The following SLC15A5 variants were observed in gnomAD, a reference collection of about 807,000 sequenced individuals.
SLC15A5 encodes Peptide/histidine transporter ENSP00000340402.
In SLC15A5, 58 loss-of-function variants were observed where a neutral mutation model predicts 56.1. The observed-to-expected ratio is 1.03, with a 90% CI of 0.84 to 1.29. SLC15A5 has a LOEUF of 1.29. SLC15A5 is among the 50% of genes most tolerant of loss of function. The pLI is 0.00. For missense variants in SLC15A5, 681 were observed against 672.1 expected, an observed-to-expected ratio of 1.01 and a Z score of -0.15; for synonymous variants, 264 against 250.5, an observed-to-expected ratio of 1.05 and a Z score of -0.51.
At chr12:16,246,814 C>T (rs1433988639) in intron 3 of SLC15A5, among the ~76,000 whole-genome samples, 1 of 152,006 alleles carries the variant, frequency 6.6e-6, no homozygotes, top group Admixed American at 6.6e-5. Context: ...AAATTGATAC[C>T]TGCAATCTTA....
intron 7 of SLC15A5, among the ~76,000 whole-genome samples, chr12:16,206,421 A>T (rs1864020045): frequency 6.6e-6 from 1 of 152,206 alleles, no homozygotes; most frequent in Admixed American, 6.5e-5. Context: ...TGAGATTCAT[A>T]GCTCTCCTAC....
intron 2 of SLC15A5, among the ~76,000 whole-genome samples, chr12:16,258,860 C>A (rs1185604767): frequency 6.6e-6 from 1 of 151,954 alleles, no homozygotes; most frequent in African/African-American, 2.4e-5. Context: ...GGAGTGATAT[C>A]CCATAATCTT....
At chr12:16,191,065 C>G (rs887632428) in intron 8 of SLC15A5, among the ~76,000 whole-genome samples, 4 of 152,128 alleles carry the variant, frequency 2.6e-5, no homozygotes, top group African/African-American at 9.7e-5. Context: ...CTACCTACTT[C>G]CTTCACCCCT....
intron 7 of SLC15A5, among the ~76,000 whole-genome samples, chr12:16,209,819 C>A (rs1223156290): frequency 6.6e-6 from 1 of 152,104 alleles, no homozygotes; most frequent in African/African-American, 2.4e-5. Context: ...ATTACTATTC[C>A]AGACTTTCCT....
In SLC15A5 at chr12:16,194,229, C is replaced by A; in HGVS notation, c.1592+116G>T. Reference sequence around the variant, plus strand: ...TTACCCTGAATAATCTGTTGAATTGCTCTAATATTCTAATTTGTCCAGTCA... The same window carrying A: ...TTACCCTGAATAATCTGTTGAATTGATCTAATATTCTAATTTGTCCAGTCA... On this transcript the variant is annotated intron_variant, in intron 8 of 8. Coordinates refer to ENST00000344941, the MANE Select transcript of SLC15A5 (RefSeq NM_001170798.1). The A allele has an allele frequency of 7.0e-6, 4 of 574,730 alleles. No individual in the cohort carries two copies. The South Asian group carries it at 1.3e-4, about 18-fold the overall frequency. The allele number at this position is 574,730 out of a possible 1,614,324, so 35.6% of individuals were successfully genotyped here.
intron 7 of SLC15A5, among the ~76,000 whole-genome samples, chr12:16,207,642 A>AT (rs891069657): frequency 8.7e-5 from 13 of 149,706 alleles, no homozygotes; most frequent in African/African-American, 2.5e-4. Flanking sequence ...CACCAGCGAT[A>AT]TTTTTTTTTC....
chr12:16,225,493 A>G (rs971244732), intron 5 of SLC15A5, among the ~76,000 whole-genome samples: 1 of 152,244 alleles, frequency 6.6e-6, no homozygotes. Context: ...ACAGCAAAAG[A>G]AACTATCATC....
intron 7 of SLC15A5, among the ~76,000 whole-genome samples, chr12:16,200,461 C>G (rs973878879): frequency 6.6e-6 from 1 of 151,846 alleles, no homozygotes; most frequent in Non-Finnish European, 1.5e-5. Flanking sequence ...ACACTCTTGC[C>G]AGTTTTTGAT....
intron 2 of SLC15A5, among the ~76,000 whole-genome samples, chr12:16,260,727 C>T (rs1022908895): frequency 6.7e-5 from 10 of 149,764 alleles, no homozygotes; most frequent in Admixed American, 1.3e-4. Context: ...GTAAAGAATA[C>T]TTTCTAAACC....
chr12:16,229,756 A>T (rs1015919676), intron 5 of SLC15A5, among the ~76,000 whole-genome samples: 10 of 152,116 alleles, frequency 6.6e-5, no homozygotes, highest in Non-Finnish European at 1.3e-4. Context: ...GAAACATGTG[A>T]CAAGTCTACT....
chr12:16,207,592 A>C (rs1028124330), intron 7 of SLC15A5, among the ~76,000 whole-genome samples: 2 of 151,370 alleles, frequency 1.3e-5, no homozygotes, highest in Non-Finnish European at 2.9e-5. Context: ...GTTTGGGATC[A>C]CTCTTCATGA....
chr12:16,199,838 T>C (rs1025835003), intron 7 of SLC15A5, among the ~76,000 whole-genome samples: 2 of 152,018 alleles, frequency 1.3e-5, no homozygotes, highest in African/African-American at 4.8e-5. Context: ...AAATAAAACA[T>C]TATAGGTGAG....
At chr12:16,198,355 T>C (rs4109313) in intron 7 of SLC15A5, among the ~76,000 whole-genome samples, 6,685 of 152,252 alleles carry the variant, frequency 0.044, 204 homozygotes, top group African/African-American at 0.071. Flanking sequence ...CATTAGGCCT[T>C]GTAGACACTA....
At chr12:16,242,637 C>T (rs1184113296) in intron 4 of SLC15A5, among the ~76,000 whole-genome samples, 1 of 152,096 alleles carries the variant, frequency 6.6e-6, no homozygotes, top group Non-Finnish European at 1.5e-5. Flanking sequence ...CAATAAGTTG[C>T]ACATCTAGAT....
At chr12:16,244,835 G>A (rs960324751) in intron 3 of SLC15A5, 35 bp from the exon 4 acceptor site, 1 of 1,508,014 alleles carries the variant, frequency 6.6e-7, no homozygotes, top group Non-Finnish European at 8.9e-7. Flanking sequence ...TATTAGTATA[G>A]GAATTGTTCT....
chr12:16,239,449 A>G (rs1279772460), intron 5 of SLC15A5, among the ~76,000 whole-genome samples: 2 of 152,202 alleles, frequency 1.3e-5, no homozygotes, highest in African/African-American at 4.8e-5. Context: ...CCATCTCTTT[A>G]TATCAGGTGT....
chr12:16,223,861 C>T (rs954349039), intron 6 of SLC15A5, among the ~76,000 whole-genome samples: 1 of 151,962 alleles, frequency 6.6e-6, no homozygotes, highest in Non-Finnish European at 1.5e-5. Context: ...GGACTACAGG[C>T]GCCTGCCACC....
At chr12:16,230,715 C>T (rs1423623745) in intron 5 of SLC15A5, among the ~76,000 whole-genome samples, 4 of 148,832 alleles carry the variant, frequency 2.7e-5, no homozygotes, top group Non-Finnish European at 5.9e-5. Context: ...AGATCGAGAC[C>T]ATCCTGGCTA....
chr12:16,230,021 T>C (rs1160097099), intron 5 of SLC15A5, among the ~76,000 whole-genome samples: 1 of 151,642 alleles, frequency 6.6e-6, no homozygotes, highest in Non-Finnish European at 1.5e-5. Flanking sequence ...TCAATGGAGA[T>C]GGGAAAAATT....
Sources: gnomAD v4.1 joint callset for allele counts (sites outside exome capture counted in the v4.1 genomes callset) on GRCh38, gnomAD v4.1.1 for gene constraint, MANE v1.5 for transcripts, NCBI Gene and HGNC (gene_info 2026-07-23, HGNC 2026-07-21) for gene names.